Variants in DAZAP1 observed in about 807,000 individuals in gnomAD.
DAZAP1 encodes DAZ associated protein 1.
Under a neutral mutation model 60.1 loss-of-function variants are expected in DAZAP1, and 6 were observed. The ratio of observed to expected loss-of-function variants is 0.10; its 90% CI spans 0.05 to 0.20. The LOEUF is 0.20. Among genes scored for constraint, DAZAP1 ranks in the 10% least tolerant of loss-of-function variants. The pLI, the probability that DAZAP1 is intolerant of heterozygous loss-of-function variation, is 1.00. For synonymous variants in DAZAP1, 235 were observed against 215.9 expected (o/e 1.09, Z -0.78); for missense variants, 366 against 560.4 (o/e 0.65, Z 3.50).
At position 1,433,820 on chromosome 19, in the gene DAZAP1, T is replaced by G; in HGVS notation, c.1049-917T>G. On this transcript the variant is annotated intron_variant, in intron 11 of 11. Coordinates refer to ENST00000233078, the MANE Select transcript of DAZAP1 (RefSeq NM_018959.4). This position sits in a 1 kb window ranked among gnomAD's most constrained non-coding sequence, Gnocchi z 6.1. ...CTTATGGTCAGGCTGAGCAGTGATG[T>G]GGCCTAGGTAGGTGCCGCCTCCTTC... 2 of 1,613,746 alleles carry G rather than the reference T, an allele frequency of 1.2e-6. No individual in the cohort carries two copies. The highest frequency in any genetic ancestry group is 1.7e-6 in the Non-Finnish European group (2 of 1,179,736).
At chr19:1,413,635 T>G (rs553624895) in intron 1 of DAZAP1, among the ~76,000 whole-genome samples, 2 of 152,238 alleles carry the variant, frequency 1.3e-5, no homozygotes, top group East Asian at 3.9e-4. Flanking sequence ...CTCAAATATC[T>G]CAACAGAAAC....
chr19:1,431,229 C>T lies in DAZAP1; in HGVS notation c.871+867C>T, dbSNP rs545579862. 1.1e-4 allele frequency among the ~76,000 whole-genome samples: 17 copies of T among 151,214 alleles called. No individual in the cohort carries two copies. In the East Asian group the frequency reaches 1.4e-3, roughly 12 times the overall value. On this transcript the variant is annotated intron_variant, in intron 10 of 11. Transcript: ENST00000233078. ...CTGCAAGCTCCACCTCCTGGGTTCA[C>T]GCCATTCTCCTACCTCAGTCTCCTG...
At chr19:1,429,486 C>T (rs993490102) in intron 8 of DAZAP1, among the ~76,000 whole-genome samples, 12 of 152,198 alleles carry the variant, frequency 7.9e-5, no homozygotes, top group Admixed American at 5.9e-4. Context: ...AGCCACGGAA[C>T]CCCTGGGCTT....
At position 1,418,973 on chromosome 19, in the gene DAZAP1, C is replaced by T. The variant is rs1266687127; in HGVS notation, c.303+242C>T. On this transcript the variant is annotated intron_variant, in intron 4 of 11. Transcript: ENST00000233078. The surrounding 1 kb of genome is among the most constrained non-coding windows in gnomAD (Gnocchi z 5.7). ...AATGACAGCTCATGCCACTGATTATCAGGAGCCAGTCAGCTTCCCTCTGTG... is the reference window on the plus strand; with the variant it reads ...AATGACAGCTCATGCCACTGATTATTAGGAGCCAGTCAGCTTCCCTCTGTG... 6.6e-6 allele frequency among the ~76,000 whole-genome samples: 1 copy of T among 152,126 alleles called. No homozygotes were observed. Among genetic ancestry groups the T allele is most frequent in the Non-Finnish European group, 1.5e-5 (1 of 68,012 alleles).
At position 1,407,591 on chromosome 19, in the gene DAZAP1, G is replaced by A; in HGVS notation, c.-183G>A. ...CGGCGCGGCGGCGCGGGGACGCGCG[G>A]TGACCGTTGGCGCCGAGGGGAGGAG... On this transcript the variant is annotated 5_prime_UTR_variant, in exon 1 of 12. The change creates a new upstream start codon in the 5' untranslated region. Coordinates refer to ENST00000233078, the MANE Select transcript of DAZAP1 (RefSeq NM_018959.4). 1 of 322,532 alleles carries A rather than the reference G, an allele frequency of 3.1e-6. No individual in the cohort carries two copies. The highest frequency in any genetic ancestry group is 4.4e-6 in the Non-Finnish European group (1 of 226,630). The allele number at this position is 322,532 out of a possible 1,614,324, so 20.0% of individuals were successfully genotyped here.
Position 1,422,481 on chromosome 19 carries a change from G to T in DAZAP1, c.463+85G>T. 7.4e-7 allele frequency: 1 copy of T among 1,351,182 alleles called. No homozygotes were observed. Among genetic ancestry groups the T allele is most frequent in the South Asian group, 1.2e-5 (1 of 82,976 alleles). The allele number at this position is 1,351,182 out of a possible 1,614,324, so 83.7% of individuals were successfully genotyped here. On this transcript the variant is annotated intron_variant, in intron 6 of 11. Coordinates refer to ENST00000233078, the MANE Select transcript of DAZAP1 (RefSeq NM_018959.4). This position sits in a 1 kb window ranked among gnomAD's most constrained non-coding sequence, Gnocchi z 4.5. Reference sequence around the variant, plus strand: ...TATCTCACCCGCCAGGCACACACAGGTGGCGGCTGTAGCAAACAGCCTCAG... The same window carrying T: ...TATCTCACCCGCCAGGCACACACAGTTGGCGGCTGTAGCAAACAGCCTCAG...
chr19:1,432,469 A>C lies in DAZAP1; in HGVS notation c.872-45A>C. ...GTGGGTCTCCTGCTGGTCTGCCCCC[A>C]GCTGCACAACGTGTCTTGTGCCTTG... On this transcript the variant is annotated intron_variant, in intron 10 of 11. Coordinates refer to ENST00000233078, the MANE Select transcript of DAZAP1 (RefSeq NM_018959.4). This position sits in a 1 kb window ranked among gnomAD's most constrained non-coding sequence, Gnocchi z 4.9. 6.2e-7 allele frequency: 1 copy of C among 1,604,990 alleles called. No homozygotes were observed. The highest frequency in any genetic ancestry group is 8.5e-7 in the Non-Finnish European group (1 of 1,173,618).
At chr19:1,408,789 G>A (rs1017747939) in intron 1 of DAZAP1, among the ~76,000 whole-genome samples, 3 of 152,340 alleles carry the variant, frequency 2.0e-5, no homozygotes, top group African/African-American at 7.2e-5. Context: ...ATTTCGCTGT[G>A]CCCCAGGGCT....
chr19:1,415,392 T>G lies in DAZAP1; in HGVS notation c.30-2108T>G, dbSNP rs866233752. On this transcript the variant is annotated intron_variant, in intron 1 of 11. Transcript: ENST00000233078. ...GTGTGTGTGTGTGTGTGTGTGTGTT[T>G]TGTTTTTTTTTTTTTTTTTGAGAAC... is the stretch of plus-strand genomic sequence containing the variant. 6.2e-3 allele frequency among the ~76,000 whole-genome samples: 828 copies of G among 133,106 alleles called. 6 individuals are homozygous for G. Among genetic ancestry groups the G allele is most frequent in the African/African-American group, 0.011 (414 of 36,832 alleles). The allele number at this position is 133,106 out of a possible 152,430, so 87.3% of individuals were successfully genotyped here.
Position 1,418,446 on chromosome 19 carries a change from C to T in DAZAP1, c.237+76C>T. On this transcript the variant is annotated intron_variant, in intron 3 of 11. Transcript: ENST00000233078. The surrounding 1 kb of genome is among the most constrained non-coding windows in gnomAD (Gnocchi z 5.7). ...CCTCTGCTTCATTTTTTCCTGGACTCTGACCGATGTTTGCGTTAGAGTATG... is the reference window on the plus strand; with the variant it reads ...CCTCTGCTTCATTTTTTCCTGGACTTTGACCGATGTTTGCGTTAGAGTATG... The T allele has an allele frequency of 6.4e-7, 1 of 1,561,810 alleles. No homozygotes were observed. The highest frequency in any genetic ancestry group is 2.3e-5 in the East Asian group (1 of 44,386).
intron 8 of DAZAP1, 125 bp downstream of exon 8, chr19:1,429,120 A>G (rs1476041033): frequency 3.5e-5 from 44 of 1,241,686 alleles, no homozygotes; most frequent in Non-Finnish European, 4.4e-5. Context: ...CGCGGTTCAC[A>G]GTGTCCTTGA....
intron 6 of DAZAP1, among the ~76,000 whole-genome samples, chr19:1,424,680 C>T (rs1178556812): frequency 2.0e-5 from 3 of 152,094 alleles, no homozygotes; most frequent in Non-Finnish European, 4.4e-5. Context: ...GCCTCACGCC[C>T]GTGCTGCGCT....
Position 1,422,228 on chromosome 19 carries a change from CCGCTCAGGGAGGG to C in DAZAP1, c.415-116_415-104del. The stretch of plus-strand genomic sequence containing the variant: ...AGCAGCTGTTGCCCGTGCACCTCCC[CCGCTCAGGGAGGG>C]CGCACCCTGTGCGAGAGTTTGGGTT... On this transcript the variant is annotated intron_variant, in intron 5 of 11. Transcript: ENST00000233078. The surrounding 1 kb of genome is among the most constrained non-coding windows in gnomAD (Gnocchi z 4.5). The C allele has an allele frequency of 1.2e-6, 1 of 860,890 alleles. No individual in the cohort carries two copies. The highest frequency in any genetic ancestry group is 2.6e-5 in the East Asian group (1 of 38,610). The allele number at this position is 860,890 out of a possible 1,614,324, so 53.3% of individuals were successfully genotyped here.
At position 1,418,729 on chromosome 19, in the gene DAZAP1, T is replaced by A. The variant is rs1386250087; in HGVS notation, c.301T>A (p.Trp101Arg). The change falls in exon 4 of 12, where the codon TGG becomes AGG. Residue 101 changes from tryptophan (W) to arginine (R), a missense_variant and splice_region_variant. Physicochemically the swap from Trp to Arg is moderately radical, Grantham distance 101. Coordinates refer to ENST00000233078, the MANE Select transcript of DAZAP1 (RefSeq NM_018959.4). The surrounding 1 kb of genome is among the most constrained non-coding windows in gnomAD (Gnocchi z 5.7). ...GGAGAGAACACGGCCGAAGGAAGGA[T>A]GGGTAAGGGGCTGGGCCGGGCGGCC... ...QPERTRPKEG[W>R]QKGPRSDNSK... 6.2e-7 allele frequency: 1 copy of A among 1,609,906 alleles called. No individual in the cohort carries two copies. Among genetic ancestry groups the A allele is most frequent in the Admixed American group, 1.7e-5 (1 of 59,506 alleles).
rs547582611 is a variant in DAZAP1 at position 1,435,486 on chromosome 19, C to G, written c.*574C>G. The G allele has an allele frequency of 4.6e-5, 7 of 152,164 alleles. No homozygotes were observed. The highest frequency in any genetic ancestry group is 1.3e-4 in the Admixed American group (2 of 15,276). 9.4% of individuals were successfully genotyped at this position (152,164 alleles called of 1,614,324 possible). The stretch of plus-strand genomic sequence containing the variant: ...TGTATTTCTGTTTTTTGTTTAATTC[C>G]TTGCTTTTGTCGACTGACCTGCTTG... On this transcript the variant is annotated 3_prime_UTR_variant, in exon 12 of 12. Coordinates refer to ENST00000233078, the MANE Select transcript of DAZAP1 (RefSeq NM_018959.4).
At position 1,418,580 on chromosome 19, in the gene DAZAP1, G is replaced by A; in HGVS notation, c.238-86G>A. On this transcript the variant is annotated intron_variant, in intron 3 of 11. Coordinates refer to ENST00000233078, the MANE Select transcript of DAZAP1 (RefSeq NM_018959.4). This position sits in a 1 kb window ranked among gnomAD's most constrained non-coding sequence, Gnocchi z 5.7. The stretch of plus-strand genomic sequence containing the variant: ...GCGGGGCGGGGCGGGCCGGGCTGCT[G>A]TGCCGTGGCTGCTGTTGTGCTGACA... The A allele has an allele frequency of 1.3e-6, 2 of 1,551,822 alleles. No individual in the cohort carries two copies. The highest frequency in any genetic ancestry group is 1.1e-5 in the South Asian group (1 of 89,638).
rs878911770 is a variant in DAZAP1 at position 1,407,619 on chromosome 19, AGCC to A, written c.-114_-112del. ...ACCGTTGGCGCCGAGGGGAGGAGGC[AGCC>A]GCCGCCGCCGCCGCCGCCGCCGCCG... On this transcript the variant is annotated 5_prime_UTR_variant, in exon 1 of 12. Coordinates refer to ENST00000233078, the MANE Select transcript of DAZAP1 (RefSeq NM_018959.4). The A allele has an allele frequency of 0.077, 18,233 of 238,130 alleles. 875 individuals carry two copies. The highest frequency in any genetic ancestry group is 0.17 in the African/African-American group (6,660 of 38,988). 14.8% of individuals were successfully genotyped at this position (238,130 alleles called of 1,614,324 possible).
At chr19:1,408,919 C>T (rs2082744923) in intron 1 of DAZAP1, among the ~76,000 whole-genome samples, 1 of 152,114 alleles carries the variant, frequency 6.6e-6, no homozygotes. Context: ...TTCTCGGTGC[C>T]CTTAGCTTTG....
intron 9 of DAZAP1, 67 bp from the exon 10 acceptor site, chr19:1,430,155 G>A: frequency 6.5e-7 from 1 of 1,536,586 alleles, no homozygotes; most frequent in East Asian, 2.2e-5. Flanking sequence ...GCAGGCCTGG[G>A]TCTAACTGTG....
Sources: gnomAD v4.1 joint callset for allele counts (sites outside exome capture counted in the v4.1 genomes callset) on GRCh38, gnomAD v4.1.1 for gene constraint, Gnocchi (gnomAD v3.1) non-coding constraint, MANE v1.5 for transcripts, NCBI Gene and HGNC (gene_info 2026-07-23, HGNC 2026-07-21) for gene names.